CNBP: variants seen among roughly 807,000 people sequenced by gnomAD.
CNBP encodes cellular nucleic acid-binding protein.
A neutral mutation model predicts 21.2 loss-of-function variants in CNBP; 6 were observed. That is an observed-to-expected ratio of 0.28 (90% CI 0.16 to 0.56). CNBP has a LOEUF of 0.56. CNBP is among the 20% of genes least tolerant of loss of function. The pLI, the probability that CNBP is intolerant of heterozygous loss-of-function variation, is 0.93. For missense variants in CNBP, 112 were observed against 233.1 expected (o/e 0.48, Z 3.38); for synonymous variants, 61 against 74.9 (o/e 0.81, Z 0.96).
intron 1 of CNBP, among the ~76,000 whole-genome samples, chr3:129,176,912 A>G (rs1432997142): frequency 6.6e-6 from 1 of 152,190 alleles, no homozygotes; most frequent in Non-Finnish European, 1.5e-5. Context: ...AGAAAATATC[A>G]AAGGAAGAAA....
Position 129,168,109 on chromosome 3 carries a change from T to C in CNBP, c.*2344A>G, listed in dbSNP as rs1343876014. Among the ~76,000 whole-genome samples, 1 of 151,998 alleles carries C rather than the reference T, an allele frequency of 6.6e-6. No individual in the cohort carries two copies. Among genetic ancestry groups the C allele is most frequent in the East Asian group, 1.9e-4 (1 of 5,192 alleles). On this transcript the variant is annotated 3_prime_UTR_variant, in exon 5 of 5. Coordinates refer to ENST00000422453, the MANE Select transcript of CNBP (RefSeq NM_003418.5). ...CAAAGTCAAGAATCACACAGCAGCATGGAGGGGGAAAATGAACTATATGAT... is the reference window on the plus strand; with the variant it reads ...CAAAGTCAAGAATCACACAGCAGCACGGAGGGGGAAAATGAACTATATGAT...
rs1937539908 is a variant in CNBP, at chr3:129,170,001, T to TA, written c.*451dup. 1 of 240,626 alleles carries TA rather than the reference T, an allele frequency of 4.2e-6. No individual in the cohort carries two copies. Among genetic ancestry groups the TA allele is most frequent in the African/African-American group, 2.2e-5 (1 of 45,388 alleles). 14.9% of individuals were successfully genotyped at this position (240,626 alleles called of 1,614,324 possible). A position where few individuals can be genotyped will look rare whatever the true frequency, so the allele number is the denominator to read the frequency against. On this transcript the variant is annotated 3_prime_UTR_variant, in exon 5 of 5. Coordinates refer to ENST00000422453, the MANE Select transcript of CNBP (RefSeq NM_003418.5). The stretch of plus-strand genomic sequence containing the variant: ...ACTGTATGTTCTATGTAGGGCCTGA[T>TA]ACAGATGTTACTTGATGTTATTTAA...
At chr3:129,183,417 C>G (rs913103524) in intron 1 of CNBP, among the ~76,000 whole-genome samples, 6 of 152,236 alleles carry the variant, frequency 3.9e-5, no homozygotes, top group Non-Finnish European at 2.9e-5. Context: ...CAAATCCACC[C>G]TCGGTCCCTC....
intron 1 of CNBP, among the ~76,000 whole-genome samples, chr3:129,177,830 C>T (rs911692071): frequency 1.3e-5 from 2 of 152,106 alleles, no homozygotes; most frequent in Non-Finnish European, 2.9e-5. Flanking sequence ...GAGCACAGGG[C>T]ATGTCAGGCA....
intron 1 of CNBP, among the ~76,000 whole-genome samples, chr3:129,175,543 C>T (rs1937846538): frequency 6.6e-6 from 1 of 151,382 alleles, no homozygotes; most frequent in Non-Finnish European, 1.5e-5. Context: ...GATTCCCCTG[C>T]CTCAGCCTCC....
chr3:129,182,331 C>A (rs1388147009), intron 1 of CNBP, among the ~76,000 whole-genome samples: 1 of 152,092 alleles, frequency 6.6e-6, no homozygotes. Flanking sequence ...TCACCTGAGT[C>A]CTTCTGAATA....
At chr3:129,176,981 G>A (rs923465252) in intron 1 of CNBP, among the ~76,000 whole-genome samples, 1 of 152,010 alleles carries the variant, frequency 6.6e-6, no homozygotes, top group African/African-American at 2.4e-5. Context: ...CAATCCCCAC[G>A]TGTGGCTGAG....
chr3:129,170,501 G>T lies in CNBP; in HGVS notation c.486C>A (p.Gly162=), dbSNP rs1255885330. 6.2e-7 allele frequency: 1 copy of T among 1,614,036 alleles called. No individual in the cohort carries two copies. The highest frequency in any genetic ancestry group is 8.5e-7 in the Non-Finnish European group (1 of 1,180,020). Residue 162 remains glycine, a synonymous_variant, in exon 5 of 5, where the codon GGC becomes GGA. Transcript: ENST00000422453. ...ATTCCCGTGCAAGGTGCCCTGACTCGCCACAGCGGTAACAGTTGACTTCAC... is the reference window on the plus strand; with the variant it reads ...ATTCCCGTGCAAGGTGCCCTGACTCTCCACAGCGGTAACAGTTGACTTCAC... ...KTSEVNCYRC[G]ESGHLARECT... is the part of the protein sequence containing the mutation.
At chr3:129,182,583 G>A (rs550852026) in intron 1 of CNBP, among the ~76,000 whole-genome samples, 13 of 152,266 alleles carry the variant, frequency 8.5e-5, no homozygotes, top group African/African-American at 3.1e-4. Context: ...TAGATGGAGG[G>A]GAGCTAGTTG....
chr3:129,172,636 G>GCAGGCAGGCAGACAGGCAGC (rs1937614455), intron 1 of CNBP, among the ~76,000 whole-genome samples: 2 of 46,394 alleles, frequency 4.3e-5, no homozygotes, highest in African/African-American at 1.2e-4. Flanking sequence ...AGGCAGGCAG[G>GCAGGCAGGCAGACAGGCAGC]CAGGCAGGCA....
intron 1 of CNBP, among the ~76,000 whole-genome samples, chr3:129,179,128 T>C (rs1262673148): frequency 6.6e-6 from 1 of 151,790 alleles, no homozygotes; most frequent in East Asian, 1.9e-4. Context: ...AAACACAAAA[T>C]TGGCCGGGTG....
At position 129,171,762 on chromosome 3, in the gene CNBP, G is replaced by A; in HGVS notation, c.-5C>T. 6.2e-7 allele frequency: 1 copy of A among 1,612,936 alleles called. No homozygotes were observed. The highest frequency in any genetic ancestry group is 8.5e-7 in the Non-Finnish European group (1 of 1,179,592). On this transcript the variant is annotated 5_prime_UTR_variant, in exon 2 of 5. Coordinates refer to ENST00000422453, the MANE Select transcript of CNBP (RefSeq NM_003418.5). ...GAAGCACTCATTGCTGCTCATGGCT[G>A]CAGTCAGATCTTTGAAATATTAAAA...
intron 1 of CNBP, among the ~76,000 whole-genome samples, chr3:129,177,256 G>T (rs954882138): frequency 8.5e-5 from 13 of 152,182 alleles, no homozygotes; most frequent in African/African-American, 3.1e-4. Flanking sequence ...TTGGGTTTGT[G>T]TTTTCTCTGG....
rs370748865 is a variant in CNBP, at chr3:129,177,184, C to CA, written c.-14-5414dup. Among the ~76,000 whole-genome samples the CA allele has an allele frequency of 5.1e-4, 78 of 152,270 alleles. 1 individual carries two copies. Among genetic ancestry groups the CA allele is most frequent in the African/African-American group, 1.9e-3 (77 of 41,548 alleles). ...TCACTTTTGTCAGGCAGCAGGAAAA[C>CA]ACTTAAGTTTCTTCCTTTTGCTAAA... On this transcript the variant is annotated intron_variant, in intron 1 of 4. Transcript: ENST00000422453.
intron 1 of CNBP, among the ~76,000 whole-genome samples, chr3:129,174,394 G>A (rs1393449414): frequency 9.4e-4 from 133 of 141,042 alleles, no homozygotes; most frequent in African/African-American, 3.2e-3. Context: ...GGCAGGGCAC[G>A]GTGGCTCACA....
At position 129,168,385 on chromosome 3, in the gene CNBP, C is replaced by T. The variant is rs1204816453; in HGVS notation, c.*2068G>A. Reference sequence around the variant, plus strand: ...TGGGGCACAGTGGCTCACCTGAGGGCAACAGTTGGAGACCAGCCTGACCAA... The same window carrying T: ...TGGGGCACAGTGGCTCACCTGAGGGTAACAGTTGGAGACCAGCCTGACCAA... On this transcript the variant is annotated 3_prime_UTR_variant, in exon 5 of 5. Transcript: ENST00000422453. Among the ~76,000 whole-genome samples, 1 of 151,910 alleles carries T rather than the reference C, an allele frequency of 6.6e-6. No individual in the cohort carries two copies. Among genetic ancestry groups the T allele is most frequent in the African/African-American group, 2.4e-5 (1 of 41,366 alleles).
Position 129,171,079 on chromosome 3 carries a change from C to T in CNBP, c.416G>A (p.Arg139Lys). 2 of 1,612,574 alleles carry T rather than the reference C, an allele frequency of 1.2e-6. No individual in the cohort carries two copies. The highest frequency in any genetic ancestry group is 1.7e-6 in the Non-Finnish European group (2 of 1,179,796). Reference protein sequence around the residue: ...QKDCTKVKCYRCGETGHVAIN... With the variant: ...QKDCTKVKCYKCGETGHVAIN... ...TTCTAACAACATTCTGACACCTTAC[C>T]TATAGCACTTCACTTTGGTGCAGTC... Residue 139 changes from arginine (R) to lysine (K), a missense_variant and splice_region_variant, in exon 4 of 5, where the codon AGG (arginine) becomes AAG (lysine). Transcript: ENST00000422453.
At chr3:129,174,659 CAAAA>C (rs11322688) in intron 1 of CNBP, among the ~76,000 whole-genome samples, 3 of 105,140 alleles carry the variant, frequency 2.9e-5, no homozygotes, top group Non-Finnish European at 2.0e-5. Flanking sequence ...AACTCCATCT[CAAAA>C]AAAAAAAAAA....
At position 129,169,152 on chromosome 3, in the gene CNBP, G is replaced by T. The variant is rs542252577; in HGVS notation, c.*1301C>A. 7.2e-5 allele frequency among the ~76,000 whole-genome samples: 11 copies of T among 152,004 alleles called. No individual in the cohort carries two copies. The South Asian group carries it at 2.3e-3, about 32-fold the overall frequency. On this transcript the variant is annotated 3_prime_UTR_variant, in exon 5 of 5. Transcript: ENST00000422453. ...AAATAAAAATACAAAAAATTAGCGG[G>T]GGGTGGTGGCGGGTGCCTGTAATCC...
Sources: gnomAD v4.1 joint callset for allele counts (sites outside exome capture counted in the v4.1 genomes callset) on GRCh38, gnomAD v4.1.1 for gene constraint, MANE v1.5 for transcripts, NCBI Gene and HGNC (gene_info 2026-07-23, HGNC 2026-07-21) for gene names.